ABCA4: variants seen among roughly 807,000 people sequenced by gnomAD.
ABCA4 encodes the protein retinal-specific phospholipid-transporting ATPase ABCA4.
Under a neutral mutation model 263.7 loss-of-function variants are expected in ABCA4, and 196 were observed. The observed-to-expected ratio is 0.74, with a 90% CI of 0.66 to 0.84. The LOEUF (loss-of-function observed/expected upper bound fraction) is 0.84, where lower values mean the gene tolerates loss of function less well. Ranked by LOEUF, ABCA4 falls within the 40% of genes least tolerant of loss-of-function variation. The pLI is 0.00. For synonymous variants in ABCA4, 1,133 were observed against 1,094.2 expected, an observed-to-expected ratio of 1.04 and a Z score of -0.70; for missense variants, 2,792 against 2,855.1, an observed-to-expected ratio of 0.98 and a Z score of 0.50.
chr1:94,099,326 G>A (rs1662226580), intron 5 of ABCA4, among the ~76,000 whole-genome samples: 1 of 152,212 alleles, frequency 6.6e-6, no homozygotes, highest in African/African-American at 2.4e-5. Flanking sequence ...TCTGGAGGCT[G>A]AAGGAGGCAG....
chr1:94,012,572 C>G (rs1402911652), intron 38 of ABCA4, among the ~76,000 whole-genome samples: 1 of 152,206 alleles, frequency 6.6e-6, no homozygotes, highest in Non-Finnish European at 1.5e-5. Context: ...CAATGATTAG[C>G]TCAGAGTAGG....
chr1:94,097,550 T>C (rs1034108781), intron 6 of ABCA4, among the ~76,000 whole-genome samples: 7 of 152,164 alleles, frequency 4.6e-5, no homozygotes, highest in African/African-American at 1.7e-4. Context: ...CTAGAAATAT[T>C]ATATATGCCA....
Position 94,098,988 on chromosome 1 carries a change from C to A in ABCA4, c.574G>T (p.Ala192Ser). 1 of 1,606,020 alleles carries A rather than the reference C, an allele frequency of 6.2e-7. No individual in the cohort carries two copies. The highest frequency in any genetic ancestry group is 8.5e-7 in the Non-Finnish European group (1 of 1,179,602). The stretch of plus-strand genomic sequence containing the variant: ...AGCGCCAGGTCCGGGACTCCATGAG[C>A]GAACTGCAGGGAGAAGAGGCAACAC... ...INSQVRPEQF[A>S]HGVPDLALKD... The change falls in exon 6 of 50, where the codon GCT becomes TCT. Residue 192 changes from alanine to serine, a missense_variant. Transcript: ENST00000370225.
chr1:94,026,623 T>C (rs1371337451), intron 30 of ABCA4, among the ~76,000 whole-genome samples: 1 of 152,226 alleles, frequency 6.6e-6, no homozygotes, highest in African/African-American at 2.4e-5. Context: ...TGCTGCTGGC[T>C]GCGATAGCTT....
At chr1:94,084,291 G>A (rs981715096) in intron 6 of ABCA4, among the ~76,000 whole-genome samples, 4 of 152,272 alleles carry the variant, frequency 2.6e-5, no homozygotes, top group Non-Finnish European at 4.4e-5. Flanking sequence ...TGCTTCCTGA[G>A]TAGGTGTGAA....
chr1:94,025,491 G>C (rs1480378712), intron 30 of ABCA4: 2 of 268,832 alleles, frequency 7.4e-6, no homozygotes, highest in African/African-American at 4.4e-5. Context: ...AATAAACCCT[G>C]GGATCAAATC....
chr1:94,107,596 C>T lies in ABCA4; in HGVS notation c.442+981G>A, dbSNP rs11802261. Among the ~76,000 whole-genome samples the T allele has an allele frequency of 6.8e-3, 1,030 of 152,346 alleles. 13 individuals are homozygous for T. The highest frequency in any genetic ancestry group is 0.024 in the African/African-American group (980 of 41,580). On this transcript the variant is annotated intron_variant, in intron 4 of 49. Transcript: ENST00000370225. ...GGAGCCTCTTCATCCTTTCTCTTCA[C>T]TCTTCCTGACTCCAGGTGGCTCCCA...
At chr1:94,045,385 A>G (rs896524089) in intron 19 of ABCA4, among the ~76,000 whole-genome samples, 1 of 151,340 alleles carries the variant, frequency 6.6e-6, no homozygotes, top group African/African-American at 2.4e-5. Flanking sequence ...TAAGGCTTAA[A>G]TGAGTTAATA....
intron 12 of ABCA4, 125 bp from the exon 13 acceptor site, chr1:94,062,878 C>A: frequency 8.7e-7 from 1 of 1,152,410 alleles, no homozygotes; most frequent in Non-Finnish European, 1.3e-6. Context: ...CAAAAGGATC[C>A]AATTCTATTT....
chr1:94,021,639 C>T lies in ABCA4; in HGVS notation c.4848+1G>A, dbSNP rs1659900228. On this transcript the variant is annotated splice_donor_variant, in intron 34 of 49. Transcript: ENST00000370225. LOFTEE classifies it high-confidence loss of function. Reference sequence around the variant, plus strand: ...GAGCAGATTATACATAGGTCAAGTACCTTAATGTTGTCTTCAGTTTCTAGA... The same window carrying T: ...GAGCAGATTATACATAGGTCAAGTATCTTAATGTTGTCTTCAGTTTCTAGA... The T allele has an allele frequency of 6.2e-7, 1 of 1,610,448 alleles. No homozygotes were observed. Among genetic ancestry groups the T allele is most frequent in the African/African-American group, 1.3e-5 (1 of 74,816 alleles).
intron 32 of ABCA4, 92 bp from the exon 33 acceptor site, chr1:94,022,043 C>T (rs888642740): frequency 1.6e-5 from 17 of 1,077,908 alleles, no homozygotes; most frequent in Middle Eastern, 2.0e-4. Flanking sequence ...CATGAACTTT[C>T]GGGGGAATTG....
Position 94,108,570 on chromosome 1 carries a change from T to G in ABCA4, c.442+7A>C. The G allele has an allele frequency of 6.2e-7, 1 of 1,613,358 alleles. No homozygotes were observed. The highest frequency in any genetic ancestry group is 8.5e-7 in the Non-Finnish European group (1 of 1,179,874). ...ATGATGCTTGAGAGCACTGCAGTCA[T>G]GCTTACCTGCAATTCTCTCCGGGTG... On this transcript the variant is annotated splice_region_variant and intron_variant, in intron 4 of 49. Coordinates refer to ENST00000370225, the MANE Select transcript of ABCA4 (RefSeq NM_000350.3).
intron 28 of ABCA4, 23 bp from the exon 29 acceptor site, chr1:94,030,549 C>T (rs1225883978): frequency 6.2e-7 from 1 of 1,609,760 alleles, no homozygotes; most frequent in Non-Finnish European, 8.5e-7. Context: ...AGACATGTGA[C>T]TGGGACAGAG....
At position 94,043,430 on chromosome 1, in the gene ABCA4, T is replaced by A. The variant is rs778400379; in HGVS notation, c.3096A>T (p.Gly1032=). ...CCAGCTGGGCCTCCTCCTGGGACTT[T>A]CCTTTCAGCTGGGCATAGAACAGCA... ...EHMLFYAQLK[G]KSQEEAQLEM... is the part of the protein sequence containing the mutation. The change falls in exon 21 of 50, where the codon GGA becomes GGT. Residue 1032 remains glycine (G), a synonymous_variant. Transcript: ENST00000370225. 23 of 1,614,136 alleles carry A rather than the reference T, an allele frequency of 1.4e-5. No individual in the cohort carries two copies. The South Asian group carries it at 1.5e-4, about 11-fold the overall frequency.
chr1:94,121,097 G>T lies in ABCA4; in HGVS notation c.-52C>A. ...GGTCAGAGCTGAGGCCCCTCAGACAGCAAAGGACATAAACGCCGTTAAGAG... is the reference window on the plus strand; with the variant it reads ...GGTCAGAGCTGAGGCCCCTCAGACATCAAAGGACATAAACGCCGTTAAGAG... On this transcript the variant is annotated 5_prime_UTR_variant, in exon 1 of 50. The change creates a new upstream start codon in the 5' untranslated region. Transcript: ENST00000370225. The T allele has an allele frequency of 6.4e-7, 1 of 1,568,554 alleles. No individual in the cohort carries two copies. The highest frequency in any genetic ancestry group is 8.8e-7 in the Non-Finnish European group (1 of 1,138,564).
chr1:94,113,906 C>G (rs944194304), intron 1 of ABCA4, among the ~76,000 whole-genome samples: 6 of 152,200 alleles, frequency 3.9e-5, no homozygotes, highest in African/African-American at 1.4e-4. Flanking sequence ...GCAGTCCACA[C>G]CCTGTGGCAT....
chr1:94,014,195 A>T (rs201681234), intron 38 of ABCA4, among the ~76,000 whole-genome samples: 13,565 of 126,290 alleles, frequency 0.11, 1,250 homozygotes, highest in African/African-American at 0.26. Flanking sequence ...AGAAGGAAGA[A>T]AGAAGGAAGG....
At chr1:94,020,363 C>A (rs1486611533) in intron 35 of ABCA4, among the ~76,000 whole-genome samples, 1 of 152,182 alleles carries the variant, frequency 6.6e-6, no homozygotes, top group Non-Finnish European at 1.5e-5. Context: ...CAAGCCATAA[C>A]CCCTGGCATG....
chr1:94,048,197 C>T (rs1557781413), intron 18 of ABCA4, among the ~76,000 whole-genome samples: 1 of 152,220 alleles, frequency 6.6e-6, no homozygotes, highest in African/African-American at 2.4e-5. Flanking sequence ...CAGGCAGAGC[C>T]CAGGGGCTGT....
Sources: gnomAD v4.1 joint callset for allele counts (sites outside exome capture counted in the v4.1 genomes callset) on GRCh38, gnomAD v4.1.1 for gene constraint, MANE v1.5 for transcripts, NCBI Gene and HGNC (gene_info 2026-07-23, HGNC 2026-07-21) for gene names.